The following CNTN5 variants were observed in gnomAD, a reference collection of about 807,000 sequenced individuals.
CNTN5 encodes contactin 5.
A neutral mutation model predicts 129.1 loss-of-function variants in CNTN5; 77 were observed. The ratio of observed to expected loss-of-function variants is 0.60; its 90% CI spans 0.50 to 0.72. The LOEUF is 0.72. Ranked by LOEUF, CNTN5 falls within the 30% of genes least tolerant of loss-of-function variation. CNTN5 has a pLI of 0.00. For synonymous variants in CNTN5, 509 were observed against 465.6 expected, an observed-to-expected ratio of 1.09 and a Z score of -1.20; for missense variants, 1,478 against 1,328.8, an observed-to-expected ratio of 1.11 and a Z score of -1.75.
intron 2 of CNTN5, among the ~76,000 whole-genome samples, chr11:99,398,345 A>G (rs1941634389): frequency 6.6e-6 from 1 of 151,872 alleles, no homozygotes. Flanking sequence ...CGTCTGTCCT[A>G]TTCTGCATTC....
intron 17 of CNTN5, among the ~76,000 whole-genome samples, chr11:100,257,486 G>A (rs554342961): frequency 2.2e-4 from 34 of 152,282 alleles, no homozygotes; most frequent in African/African-American, 7.9e-4. Flanking sequence ...CATGCCTCCT[G>A]ACTGGGACAC....
intron 6 of CNTN5, among the ~76,000 whole-genome samples, chr11:99,867,799 T>A (rs191450954): frequency 1.3e-3 from 198 of 152,302 alleles, no homozygotes; most frequent in African/African-American, 4.5e-3. Context: ...CCTAACATAG[T>A]CAAAGATTTG....
chr11:99,405,255 A>G (rs4442511), intron 2 of CNTN5, among the ~76,000 whole-genome samples: 26,503 of 152,022 alleles, frequency 0.17, 2,363 homozygotes, highest in South Asian at 0.22. Flanking sequence ...GACTATTGGT[A>G]TCTCTAGATT....
chr11:99,424,793 G>C (rs1587836), intron 2 of CNTN5, among the ~76,000 whole-genome samples: 24,821 of 152,202 alleles, frequency 0.16, 2,295 homozygotes, highest in African/African-American at 0.24. Flanking sequence ...AGCCCTGTTT[G>C]TGTTACAGCT....
At chr11:99,863,755 A>T (rs761520082) in intron 6 of CNTN5, among the ~76,000 whole-genome samples, 1 of 152,230 alleles carries the variant, frequency 6.6e-6, no homozygotes, top group East Asian at 1.9e-4. Flanking sequence ...TTGAATACCT[A>T]GCAATATTAA....
intron 9 of CNTN5, among the ~76,000 whole-genome samples, chr11:100,055,490 C>G (rs558198711): frequency 1.3e-4 from 20 of 151,438 alleles, no homozygotes; most frequent in Admixed American, 4.6e-4. Context: ...AAAACTTGTT[C>G]AATATTTGTA....
intron 1 of CNTN5, among the ~76,000 whole-genome samples, chr11:99,060,806 A>G (rs1035794880): frequency 2.0e-5 from 3 of 152,140 alleles, no homozygotes; most frequent in Non-Finnish European, 4.4e-5. Context: ...ATTAAAAATA[A>G]ACAAAAATCT....
intron 3 of CNTN5, among the ~76,000 whole-genome samples, chr11:99,627,788 A>G (rs1337012056): frequency 1.3e-5 from 2 of 151,856 alleles, no homozygotes. Context: ...CTGAAAGGAT[A>G]TAAATAGAGC....
chr11:99,741,131 C>A (rs1943875796), intron 3 of CNTN5, among the ~76,000 whole-genome samples: 1 of 152,066 alleles, frequency 6.6e-6, no homozygotes, highest in South Asian at 2.1e-4. Flanking sequence ...TCTGAATCAG[C>A]AAGGCAGGTA....
intron 15 of CNTN5, among the ~76,000 whole-genome samples, chr11:100,204,469 T>G (rs1037890287): frequency 1.3e-5 from 2 of 149,146 alleles, no homozygotes; most frequent in Non-Finnish European, 3.0e-5. Context: ...TAAATATAGA[T>G]ACACATGAAA....
chr11:99,051,502 C>T (rs1034455191), intron 1 of CNTN5, among the ~76,000 whole-genome samples: 7 of 151,876 alleles, frequency 4.6e-5, no homozygotes, highest in African/African-American at 1.7e-4. Context: ...ACAAAAATCA[C>T]CAAGGGGACT....
intron 2 of CNTN5, among the ~76,000 whole-genome samples, chr11:99,395,831 T>C (rs1941493904): frequency 1.3e-5 from 2 of 151,976 alleles, no homozygotes; most frequent in Admixed American, 6.6e-5. Flanking sequence ...TTTGTCAGCA[T>C]TGTCAAAGAA....
chr11:99,936,706 G>T (rs1950323388), intron 7 of CNTN5, among the ~76,000 whole-genome samples: 1 of 152,162 alleles, frequency 6.6e-6, no homozygotes, highest in Admixed American at 6.5e-5. Context: ...CTAAGAAAAT[G>T]ATGAAAGTGA....
intron 7 of CNTN5, among the ~76,000 whole-genome samples, chr11:99,917,736 G>A (rs888989006): frequency 2.6e-4 from 39 of 151,998 alleles, no homozygotes; most frequent in African/African-American, 8.5e-4. Flanking sequence ...TCAAAACTTC[G>A]GGATTACACA....
chr11:99,498,756 G>T (rs1187468143), intron 2 of CNTN5, among the ~76,000 whole-genome samples: 1 of 152,170 alleles, frequency 6.6e-6, no homozygotes. Flanking sequence ...TGTAGTTAGG[G>T]CTTCTGGGAA....
intron 1 of CNTN5, among the ~76,000 whole-genome samples, chr11:99,131,828 G>A (rs1858954076): frequency 6.6e-6 from 1 of 152,092 alleles, no homozygotes; most frequent in East Asian, 1.9e-4. Flanking sequence ...GGTACAAAGA[G>A]GAGCTGGTAC....
intron 3 of CNTN5, among the ~76,000 whole-genome samples, chr11:99,630,284 T>C (rs1463056737): frequency 6.6e-6 from 1 of 151,472 alleles, no homozygotes; most frequent in Non-Finnish European, 1.5e-5. Flanking sequence ...ATACACATAA[T>C]ATGGTTGGAA....
At chr11:100,232,313 A>G (rs1213430511) in intron 16 of CNTN5, among the ~76,000 whole-genome samples, 1 of 152,212 alleles carries the variant, frequency 6.6e-6, no homozygotes, top group African/African-American at 2.4e-5. Context: ...AAACCCAAGT[A>G]AATATAAATC....
At chr11:99,869,104 G>A (rs79421617) in intron 6 of CNTN5, among the ~76,000 whole-genome samples, 4,368 of 152,016 alleles carry the variant, frequency 0.029, 187 homozygotes, top group African/African-American at 0.092. Flanking sequence ...AATAAAACTC[G>A]TTTTACCTAA....
Sources: gnomAD v4.1 joint callset for allele counts (sites outside exome capture counted in the v4.1 genomes callset) on GRCh38, gnomAD v4.1.1 for gene constraint, MANE v1.5 for transcripts, NCBI Gene and HGNC (gene_info 2026-07-23, HGNC 2026-07-21) for gene names.